TMCC3: variants seen among roughly 807,000 people sequenced by gnomAD.
TMCC3 encodes transmembrane and coiled-coil domain family 3.
TMCC3 carries 28 observed loss-of-function variants against 40.2 expected under a neutral mutation model. The observed-to-expected ratio is 0.70, with a 90% CI of 0.52 to 0.95. The LOEUF (loss-of-function observed/expected upper bound fraction) is 0.95, where lower values mean the gene tolerates loss of function less well. Among genes scored for constraint, TMCC3 ranks in the 40% least tolerant of loss-of-function variants. The pLI is 0.00. For missense variants in TMCC3, 554 were observed against 615.2 expected, an observed-to-expected ratio of 0.90 and a Z score of 1.05; for synonymous variants, 255 against 248.5, an observed-to-expected ratio of 1.03 and a Z score of -0.25.
At chr12:94,578,146 CAAAAAAAAAAA>C (rs1183420863) in intron 3 of TMCC3, among the ~76,000 whole-genome samples, 2 of 34,868 alleles carry the variant, frequency 5.7e-5, no homozygotes, top group Non-Finnish European at 1.0e-4. Context: ...AGACTCACCT[CAAAAAAAAAAA>C]AAAAAAAAAA....
In TMCC3 at chr12:94,649,758, T is replaced by C. The variant is rs2069042618; in HGVS notation, c.78+595A>G. Reference sequence around the variant, plus strand: ...CACAGCCAAAATCAGCAACAGCAAATTACACTGCAAACAATGGCGAGGGCG... The same window carrying C: ...CACAGCCAAAATCAGCAACAGCAAACTACACTGCAAACAATGGCGAGGGCG... On this transcript the variant is annotated intron_variant, in intron 1 of 3. Coordinates refer to ENST00000261226, the MANE Select transcript of TMCC3 (RefSeq NM_020698.4). Among the ~76,000 whole-genome samples, 4 of 152,214 alleles carry C rather than the reference T, an allele frequency of 2.6e-5. No homozygotes were observed. In the South Asian group the frequency reaches 8.3e-4, roughly 32 times the overall value.
At chr12:94,612,477 A>AT (rs2068822321) in intron 1 of TMCC3, among the ~76,000 whole-genome samples, 1 of 150,006 alleles carries the variant, frequency 6.7e-6, no homozygotes, top group Non-Finnish European at 1.5e-5. Flanking sequence ...CACTCGGCTA[A>AT]TTTTTTGTAT....
rs763622350 is a variant in TMCC3, at chr12:94,582,305, G to A, written c.312C>T (p.Asp104=). 3.7e-6 allele frequency: 6 copies of A among 1,613,980 alleles called. No homozygotes were observed. The highest frequency in any genetic ancestry group is 5.1e-6 in the Non-Finnish European group (6 of 1,180,006). Residue 104 remains aspartate (D), a synonymous_variant, in exon 2 of 4, where the codon GAC becomes GAT. Coordinates refer to ENST00000261226, the MANE Select transcript of TMCC3 (RefSeq NM_020698.4). ...GCTTGATACGTCCCGCCTGCTGCTT[G>A]TCTGCGTTGTTCACTAGTTTCAGAT... ...AEYLKLVNNA[D]KQQAGRIKQV...
intron 1 of TMCC3, among the ~76,000 whole-genome samples, chr12:94,584,759 T>C (rs558146461): frequency 6.6e-6 from 1 of 151,940 alleles, no homozygotes; most frequent in Non-Finnish European, 1.5e-5. Flanking sequence ...GAGCACCATA[T>C]AGGAAAAGCT....
intron 1 of TMCC3, among the ~76,000 whole-genome samples, chr12:94,610,598 A>G (rs187229144): frequency 3.0e-4 from 46 of 152,252 alleles, no homozygotes; most frequent in African/African-American, 1.1e-3. Flanking sequence ...TCTGCTGCCA[A>G]TTCTGCAAAC....
chr12:94,582,089 A>C lies in TMCC3; in HGVS notation c.528T>G (p.Thr176=). 6.2e-7 allele frequency: 1 copy of C among 1,614,196 alleles called. No homozygotes were observed. The highest frequency in any genetic ancestry group is 1.1e-5 in the South Asian group (1 of 91,080). Residue 176 remains threonine, a synonymous_variant, in exon 2 of 4, where the codon ACT becomes ACG. Transcript: ENST00000261226. ...TGCTGCTCTCCATGCAATGGGGGGC[A>C]GTTCGAGATTTCACGTGGGCATCTT... The part of the protein sequence containing the change: ...SLKDAHVKSR[T]APHCMESSKS...
rs575531239 is a variant in TMCC3, at chr12:94,612,937, G to A, written c.79-30399C>T. On this transcript the variant is annotated intron_variant, in intron 1 of 3. Coordinates refer to ENST00000261226, the MANE Select transcript of TMCC3 (RefSeq NM_020698.4). ...TTAGAGGAGCAAGTGCCCCTGTTAGGAGCACATTGAAAATATACACAGCAG... is the reference window on the plus strand; with the variant it reads ...TTAGAGGAGCAAGTGCCCCTGTTAGAAGCACATTGAAAATATACACAGCAG... Among the ~76,000 whole-genome samples, 22 of 152,076 alleles carry A rather than the reference G, an allele frequency of 1.4e-4. 1 individual carries two copies. In the South Asian group the frequency reaches 3.5e-3, roughly 24 times the overall value.
At chr12:94,626,500 G>A (rs1485951068) in intron 1 of TMCC3, among the ~76,000 whole-genome samples, 1 of 151,946 alleles carries the variant, frequency 6.6e-6, no homozygotes, top group Non-Finnish European at 1.5e-5. Flanking sequence ...ACTGAACCCT[G>A]GGGAAAAAAA....
At chr12:94,637,013 T>C (rs1466710719) in intron 1 of TMCC3, among the ~76,000 whole-genome samples, 1 of 152,020 alleles carries the variant, frequency 6.6e-6, no homozygotes, top group Non-Finnish European at 1.5e-5. Context: ...AGTTGCTCAG[T>C]TTATGGTACT....
At chr12:94,650,306 C>T (rs2069048857) in intron 1 of TMCC3, 47 bp downstream of exon 1, 1 of 1,182,454 alleles carries the variant, frequency 8.5e-7, no homozygotes, top group East Asian at 3.7e-5. Context: ...GCCCGCCTCG[C>T]CCCCGGGCCC....
chr12:94,638,767 C>A lies in TMCC3; in HGVS notation c.78+11586G>T, dbSNP rs140611119. On this transcript the variant is annotated intron_variant, in intron 1 of 3. Transcript: ENST00000261226. ...CAAGTTCAGGCTTTCTGGATGATCA[C>A]AACATCTTGACAAAGACAGAGAAAA... 6.6e-4 allele frequency among the ~76,000 whole-genome samples: 100 copies of A among 152,336 alleles called. 1 individual carries two copies. The highest frequency in any genetic ancestry group is 2.3e-3 in the African/African-American group (95 of 41,588).
intron 1 of TMCC3, among the ~76,000 whole-genome samples, chr12:94,605,247 C>T (rs998886173): frequency 2.0e-5 from 3 of 152,058 alleles, no homozygotes; most frequent in African/African-American, 7.2e-5. Context: ...AAATAAAATA[C>T]GGAGACATAG....
chr12:94,640,802 A>G (rs1429841020), intron 1 of TMCC3, among the ~76,000 whole-genome samples: 1 of 152,218 alleles, frequency 6.6e-6, no homozygotes, highest in Non-Finnish European at 1.5e-5. Flanking sequence ...TTCACTCCAG[A>G]GTCCATTTCC....
At chr12:94,580,113 A>G (rs539510513) in intron 2 of TMCC3, among the ~76,000 whole-genome samples, 1 of 152,350 alleles carries the variant, frequency 6.6e-6, no homozygotes, top group South Asian at 2.1e-4. Context: ...AACTAAATTT[A>G]AACTTTTAAT....
intron 1 of TMCC3, among the ~76,000 whole-genome samples, chr12:94,606,688 A>G (rs2068785472): frequency 6.6e-6 from 1 of 152,152 alleles, no homozygotes; most frequent in Non-Finnish European, 1.5e-5. Flanking sequence ...GTGACATCAC[A>G]TATTGGTAGG....
At chr12:94,631,523 G>A (rs1445509651) in intron 1 of TMCC3, among the ~76,000 whole-genome samples, 8 of 152,062 alleles carry the variant, frequency 5.3e-5, no homozygotes, top group Non-Finnish European at 8.8e-5. Flanking sequence ...CAGGAGGGAG[G>A]CCTGGAACAG....
At chr12:94,594,230 C>CAGAG (rs763774116) in intron 1 of TMCC3, among the ~76,000 whole-genome samples, 1 of 146,980 alleles carries the variant, frequency 6.8e-6, no homozygotes, top group African/African-American at 2.7e-5. Flanking sequence ...CACACACACA[C>CAGAG]ACAGAGTGAG....
intron 1 of TMCC3, among the ~76,000 whole-genome samples, chr12:94,640,103 C>T (rs915726463): frequency 1.3e-5 from 2 of 152,212 alleles, no homozygotes; most frequent in African/African-American, 4.8e-5. Context: ...AATCCTCAAT[C>T]CAATTCAGTT....
chr12:94,631,151 T>A (rs2068931440), intron 1 of TMCC3, among the ~76,000 whole-genome samples: 1 of 152,242 alleles, frequency 6.6e-6, no homozygotes, highest in Non-Finnish European at 1.5e-5. Flanking sequence ...TTAGACCAGT[T>A]CTTCCTCATC....
Sources: gnomAD v4.1 joint callset for allele counts (sites outside exome capture counted in the v4.1 genomes callset) on GRCh38, gnomAD v4.1.1 for gene constraint, MANE v1.5 for transcripts, NCBI Gene and HGNC (gene_info 2026-07-23, HGNC 2026-07-21) for gene names.